The following GNA14 variants were observed in gnomAD, a reference collection of about 807,000 sequenced individuals.
GNA14 encodes the protein G protein subunit alpha 14, also known as guanine nucleotide-binding protein subunit alpha-14.
In GNA14, 50 loss-of-function variants were observed where a neutral mutation model predicts 42.0. That is an observed-to-expected ratio of 1.19 (90% confidence interval 0.95 to 1.51). The LOEUF (loss-of-function observed/expected upper bound fraction) is 1.51, where lower values mean the gene tolerates loss of function less well. Among genes scored for constraint, GNA14 ranks in the 40% most tolerant of loss-of-function variants. The pLI is 0.00. For missense variants in GNA14, 473 were observed against 446.2 expected (o/e 1.06, Z -0.54); for synonymous variants, 173 against 163.1 (o/e 1.06, Z -0.46).
At position 77,645,477 on chromosome 9, in the gene GNA14, G is replaced by A. The variant is rs139045858; in HGVS notation, c.124+2193C>T. Among the ~76,000 whole-genome samples the A allele has an allele frequency of 3.9e-3, 598 of 152,252 alleles. 4 individuals carry two copies. Among genetic ancestry groups the A allele is most frequent in the African/African-American group, 0.013 (525 of 41,530 alleles). Reference sequence around the variant, plus strand: ...GTTCTGAACGGCTCTGTGTGGTTTAGAAACTATTTTTCACAGGAAAGTTTT... The same window carrying A: ...GTTCTGAACGGCTCTGTGTGGTTTAAAAACTATTTTTCACAGGAAAGTTTT... On this transcript the variant is annotated intron_variant, in intron 1 of 6. Coordinates refer to ENST00000341700, the MANE Select transcript of GNA14 (RefSeq NM_004297.4).
intron 1 of GNA14, among the ~76,000 whole-genome samples, chr9:77,627,136 A>G (rs986069214): frequency 1.3e-5 from 2 of 152,228 alleles, no homozygotes; most frequent in Admixed American, 6.5e-5. Context: ...AATCTAGAAG[A>G]AATTCATAAA....
chr9:77,433,395 CT>C (rs1005780627), intron 3 of GNA14, among the ~76,000 whole-genome samples: 2 of 150,864 alleles, frequency 1.3e-5, no homozygotes, highest in African/African-American at 4.9e-5. Flanking sequence ...TTTACATTTT[CT>C]TTTTTTTTGA....
chr9:77,620,914 T>C (rs1444559946), intron 1 of GNA14, among the ~76,000 whole-genome samples: 1 of 151,408 alleles, frequency 6.6e-6, no homozygotes, highest in Non-Finnish European at 1.5e-5. Context: ...TTAAATAAAA[T>C]TTTTTAAAAT....
chr9:77,428,413 T>A (rs1835490134), intron 5 of GNA14, among the ~76,000 whole-genome samples: 1 of 152,110 alleles, frequency 6.6e-6, no homozygotes, highest in Non-Finnish European at 1.5e-5. Context: ...CGCCAAGAGA[T>A]TCCACTGTGC....
At chr9:77,563,462 A>G (rs1300836952) in intron 1 of GNA14, among the ~76,000 whole-genome samples, 1 of 152,218 alleles carries the variant, frequency 6.6e-6, no homozygotes, top group Non-Finnish European at 1.5e-5. Context: ...TTCATTTTTA[A>G]GTACAGAGGT....
chr9:77,446,473 C>T (rs62571500), intron 2 of GNA14, among the ~76,000 whole-genome samples: 12,640 of 152,286 alleles, frequency 0.083, 666 homozygotes, highest in Middle Eastern at 0.15. Context: ...GTCTCTCAGC[C>T]TTCCTGGCAG....
chr9:77,527,667 C>T (rs188010616), intron 2 of GNA14, among the ~76,000 whole-genome samples: 40 of 152,210 alleles, frequency 2.6e-4, no homozygotes, highest in African/African-American at 9.2e-4. Context: ...GAGTTTCGCT[C>T]TTGTTGCCCA....
chr9:77,625,200 A>C lies in GNA14; in HGVS notation c.124+22470T>G, dbSNP rs144125713. Among the ~76,000 whole-genome samples, 41 of 152,118 alleles carry C rather than the reference A, an allele frequency of 2.7e-4. 1 individual carries two copies. The East Asian group carries it at 8.0e-3, about 30-fold the overall frequency. On this transcript the variant is annotated intron_variant, in intron 1 of 6. Coordinates refer to ENST00000341700, the MANE Select transcript of GNA14 (RefSeq NM_004297.4). ...AACGAAATAAAGCATGAAGACAAAA[A>C]AAGAATGAAAAGGAATGAATAAAGC...
intron 1 of GNA14, among the ~76,000 whole-genome samples, chr9:77,538,468 TATG>T (rs1331079865): frequency 1.3e-5 from 2 of 152,128 alleles, no homozygotes. Flanking sequence ...TGCCGTGAAA[TATG>T]ATGTTGGTAT....
At chr9:77,445,690 T>C (rs1003481638) in intron 2 of GNA14, among the ~76,000 whole-genome samples, 3 of 151,912 alleles carry the variant, frequency 2.0e-5, no homozygotes, top group African/African-American at 7.3e-5. Flanking sequence ...TGGAGTGAGC[T>C]ATGATCACAC....
At chr9:77,582,878 A>T (rs992496257) in intron 1 of GNA14, among the ~76,000 whole-genome samples, 1 of 152,204 alleles carries the variant, frequency 6.6e-6, no homozygotes, top group African/African-American at 2.4e-5. Flanking sequence ...TTCTCTGCTC[A>T]GGGAACTGGG....
At chr9:77,584,993 T>C (rs1477976209) in intron 1 of GNA14, among the ~76,000 whole-genome samples, 1 of 152,134 alleles carries the variant, frequency 6.6e-6, no homozygotes, top group African/African-American at 2.4e-5. Context: ...TGCAACTTGT[T>C]TTATCAGCAA....
intron 5 of GNA14, among the ~76,000 whole-genome samples, chr9:77,428,404 G>T (rs922063526): frequency 1.6e-4 from 25 of 151,988 alleles, no homozygotes; most frequent in Non-Finnish European, 2.8e-4. Context: ...TAAAAACCTC[G>T]CCAAGAGATT....
At chr9:77,449,522 T>A (rs1186509392) in intron 2 of GNA14, among the ~76,000 whole-genome samples, 1 of 152,242 alleles carries the variant, frequency 6.6e-6, no homozygotes, top group Admixed American at 6.5e-5. Flanking sequence ...GTCTATGCCA[T>A]GTCAATCAAC....
intron 1 of GNA14, among the ~76,000 whole-genome samples, chr9:77,583,945 G>A (rs1368450957): frequency 1.3e-5 from 2 of 152,116 alleles, no homozygotes; most frequent in African/African-American, 2.4e-5. Context: ...CCATTGATCT[G>A]CAGGAATAAA....
intron 1 of GNA14, among the ~76,000 whole-genome samples, chr9:77,586,816 T>C (rs770173268): frequency 2.0e-5 from 3 of 152,202 alleles, no homozygotes; most frequent in Non-Finnish European, 4.4e-5. Context: ...CCTGTTCCTT[T>C]ACGGTACCCG....
intron 2 of GNA14, among the ~76,000 whole-genome samples, chr9:77,483,417 A>G (rs2131730462): frequency 6.6e-6 from 1 of 152,168 alleles, no homozygotes; most frequent in East Asian, 1.9e-4. Flanking sequence ...CTGCTGCCTG[A>G]TCGTTCCTCT....
intron 1 of GNA14, among the ~76,000 whole-genome samples, chr9:77,631,344 T>C (rs1230750717): frequency 6.6e-6 from 1 of 151,900 alleles, no homozygotes; most frequent in African/African-American, 2.4e-5. Context: ...TAGCAGCAGC[T>C]AAGCTAAGAA....
intron 4 of GNA14, among the ~76,000 whole-genome samples, chr9:77,430,903 C>T (rs1026119922): frequency 6.6e-6 from 1 of 151,784 alleles, no homozygotes; most frequent in African/African-American, 2.4e-5. Flanking sequence ...TTTTTGTATC[C>T]TTAATTTTCT....
Sources: allele counts gnomAD v4.1 joint callset (sites outside exome capture counted in the v4.1 genomes callset), GRCh38; gene constraint gnomAD v4.1.1; transcripts MANE v1.5; gene names NCBI Gene and HGNC (gene_info 2026-07-23, HGNC 2026-07-21).